The following KAT6B variants were observed in gnomAD, a reference collection of about 807,000 sequenced individuals.
KAT6B encodes the protein histone acetyltransferase KAT6B.
Under a neutral mutation model 187.5 loss-of-function variants are expected in KAT6B, and 10 were observed. The observed-to-expected ratio is 0.05, with a 90% CI of 0.03 to 0.09. The LOEUF (loss-of-function observed/expected upper bound fraction) is 0.09. Among genes scored for constraint, KAT6B ranks in the 10% least tolerant of loss-of-function variants. The pLI is 1.00. For missense variants in KAT6B, 1,952 were observed against 2,558.9 expected (o/e 0.76, Z 5.12); for synonymous variants, 861 against 926.8 (o/e 0.93, Z 1.29).
rs1846230461 is a variant in KAT6B at position 75,030,476 on chromosome 10, G to A, written c.5652G>A (p.Leu1884=). 5 of 1,612,780 alleles carry A rather than the reference G, an allele frequency of 3.1e-6. No homozygotes were observed. In the South Asian group the frequency reaches 5.5e-5, roughly 18 times the overall value. The stretch of plus-strand genomic sequence containing the variant: ...CTACCATGACCCCACCCCCCAACCT[G>A]ACTCCTCCTCCAATGAATCTGCCGC... ...AQATMTPPPN[L]TPPPMNLPPP... is the part of the protein sequence containing the mutation. Residue 1884 remains leucine, a synonymous_variant, in exon 18 of 18, where the codon CTG becomes CTA. Transcript: ENST00000287239. This position sits in a 1 kb window ranked among gnomAD's most constrained non-coding sequence, Gnocchi z 4.8.
At chr10:74,897,018 C>T (rs1275084638) in intron 3 of KAT6B, among the ~76,000 whole-genome samples, 2 of 152,092 alleles carry the variant, frequency 1.3e-5, no homozygotes, top group African/African-American at 2.4e-5. Flanking sequence ...ATTGACTTTA[C>T]ATTTAATATG....
Position 74,844,354 on chromosome 10 carries a change from A to T in KAT6B, c.621+876A>T, listed in dbSNP as rs911781131. On this transcript the variant is annotated intron_variant, in intron 3 of 17. Coordinates refer to ENST00000287239, the MANE Select transcript of KAT6B (RefSeq NM_012330.4). The stretch of plus-strand genomic sequence containing the variant: ...GCTGGGATTACAGGCACATGCCACC[A>T]TGCCCAGCTAATTTTTGTATTTTTA... 5.3e-5 allele frequency among the ~76,000 whole-genome samples: 8 copies of T among 152,156 alleles called. No individual in the cohort carries two copies. In the South Asian group the frequency reaches 1.7e-3, roughly 31 times the overall value.
At chr10:74,916,079 C>A (rs1847656202) in intron 3 of KAT6B, among the ~76,000 whole-genome samples, 1 of 152,154 alleles carries the variant, frequency 6.6e-6, no homozygotes, top group South Asian at 2.1e-4. Flanking sequence ...AGGAGAATTG[C>A]TTGAACCCGG....
At chr10:74,903,186 G>A (rs1483073573) in intron 3 of KAT6B, among the ~76,000 whole-genome samples, 1 of 152,278 alleles carries the variant, frequency 6.6e-6, no homozygotes, top group East Asian at 1.9e-4. Context: ...TCATTACCTT[G>A]TCGGATTGCC....
rs769381516 is a variant in KAT6B, at chr10:74,981,737, C to T, written c.2232-50C>T. The T allele has an allele frequency of 5.5e-6, 7 of 1,274,618 alleles. No individual in the cohort carries two copies. The Admixed American group carries it at 1.2e-4, about 22-fold the overall frequency. 79.0% of individuals were successfully genotyped at this position (1,274,618 alleles called of 1,614,324 possible). A position where few individuals can be genotyped will look rare whatever the true frequency, so the allele number is the denominator to read the frequency against. ...AATTGAACAATATTTAATCTTCCCC[C>T]CAACAGTATAATCTATCTGATAGAT... On this transcript the variant is annotated intron_variant, in intron 10 of 17. Transcript: ENST00000287239.
At chr10:75,001,379 C>G (rs1216160105) in intron 13 of KAT6B, among the ~76,000 whole-genome samples, 1 of 152,162 alleles carries the variant, frequency 6.6e-6, no homozygotes, top group Non-Finnish European at 1.5e-5. Flanking sequence ...TTCCTGCTCC[C>G]TGCTTCTCTG....
Position 74,907,352 on chromosome 10 carries a change from T to C in KAT6B, c.622-52618T>C, listed in dbSNP as rs747746568. ...TGAGAGGGTGTTACTGTGTTCCTTC[T>C]GGACACCTCCAGTTTCTGATTTGGC... On this transcript the variant is annotated intron_variant, in intron 3 of 17. Transcript: ENST00000287239. 1.8e-4 allele frequency among the ~76,000 whole-genome samples: 28 copies of C among 152,198 alleles called. 1 individual carries two copies. Among genetic ancestry groups the C allele is most frequent in the Non-Finnish European group, 3.4e-4 (23 of 68,032 alleles).
At chr10:74,893,381 G>A (rs1374487132) in intron 3 of KAT6B, among the ~76,000 whole-genome samples, 1 of 152,056 alleles carries the variant, frequency 6.6e-6, no homozygotes, top group Non-Finnish European at 1.5e-5. Context: ...AGACTAAATA[G>A]ACTTTTTAAT....
In KAT6B at chr10:74,915,622, G is replaced by T. The variant is rs188939022; in HGVS notation, c.622-44348G>T. Among the ~76,000 whole-genome samples, 8 of 152,318 alleles carry T rather than the reference G, an allele frequency of 5.3e-5. No individual in the cohort carries two copies. In the East Asian group the frequency reaches 1.5e-3, roughly 29 times the overall value. ...TCTGTATCCCCAACACTACCACAGT[G>T]CCTGGTGCATGTTAAATTGCAGTTA... On this transcript the variant is annotated intron_variant, in intron 3 of 17. Coordinates refer to ENST00000287239, the MANE Select transcript of KAT6B (RefSeq NM_012330.4).
At chr10:74,899,047 G>C (rs1407219337) in intron 3 of KAT6B, among the ~76,000 whole-genome samples, 1 of 147,962 alleles carries the variant, frequency 6.8e-6, no homozygotes, top group Non-Finnish European at 1.5e-5. Context: ...TGTAATCTCA[G>C]CTACTTGGGA....
chr10:74,966,918 T>C (rs1336010615), intron 4 of KAT6B, among the ~76,000 whole-genome samples: 1 of 152,160 alleles, frequency 6.6e-6, no homozygotes, highest in East Asian at 1.9e-4. Flanking sequence ...TAGTCCCAGC[T>C]ACTCGAGAGG....
intron 3 of KAT6B, among the ~76,000 whole-genome samples, chr10:74,878,325 T>C (rs1299340714): frequency 6.6e-6 from 1 of 152,150 alleles, no homozygotes; most frequent in African/African-American, 2.4e-5. Flanking sequence ...GAGACTATAG[T>C]GGGTGCATTA....
chr10:74,915,890 G>A (rs1036924490), intron 3 of KAT6B, among the ~76,000 whole-genome samples: 8 of 152,154 alleles, frequency 5.3e-5, no homozygotes, highest in Non-Finnish European at 7.3e-5. Context: ...ATTTTGGCTG[G>A]GCGTGGTGGC....
chr10:74,956,050 A>G (rs575971928), intron 3 of KAT6B, among the ~76,000 whole-genome samples: 2 of 152,192 alleles, frequency 1.3e-5, no homozygotes, highest in South Asian at 2.1e-4. Context: ...CAACTCCCCA[A>G]GTAGCTGGGA....
chr10:74,965,197 T>C (rs1004852622), intron 4 of KAT6B, among the ~76,000 whole-genome samples: 29 of 152,224 alleles, frequency 1.9e-4, no homozygotes, highest in Admixed American at 1.8e-3. Flanking sequence ...GAACAACTTC[T>C]CTCTCCTTGG....
At chr10:75,010,090 G>A (rs190528052) in intron 13 of KAT6B, among the ~76,000 whole-genome samples, 27 of 152,140 alleles carry the variant, frequency 1.8e-4, no homozygotes, top group Non-Finnish European at 3.5e-4. Flanking sequence ...CCCTAGCTCC[G>A]CTACCCAGGG....
chr10:74,977,485 C>T (rs779391022), intron 9 of KAT6B, 48 bp downstream of exon 9: 51 of 1,604,258 alleles, frequency 3.2e-5, no homozygotes, highest in Non-Finnish European at 4.4e-5. Context: ...GATGTGGCTT[C>T]TAACTATTAA....
At chr10:74,914,654 ATT>A (rs1280759163) in intron 3 of KAT6B, among the ~76,000 whole-genome samples, 1 of 152,192 alleles carries the variant, frequency 6.6e-6, no homozygotes, top group African/African-American at 2.4e-5. Flanking sequence ...GAATTCAACA[ATT>A]TAAAAGGGCT....
chr10:74,965,850 C>T (rs530607627), intron 4 of KAT6B, among the ~76,000 whole-genome samples: 1 of 151,566 alleles, frequency 6.6e-6, no homozygotes, highest in Admixed American at 6.6e-5. Flanking sequence ...CTCAGCCTCC[C>T]GAGTAGCTGG....
Sources: gnomAD v4.1 joint callset for allele counts (sites outside exome capture counted in the v4.1 genomes callset) on GRCh38, gnomAD v4.1.1 for gene constraint, Gnocchi (gnomAD v3.1) non-coding constraint, MANE v1.5 for transcripts, NCBI Gene and HGNC (gene_info 2026-07-23, HGNC 2026-07-21) for gene names.